Variants in NTM observed in about 807,000 individuals in gnomAD.
The protein encoded by NTM is IgLON family member 2.
In NTM, 13 loss-of-function variants were observed where a neutral mutation model predicts 42.1. The observed-to-expected ratio is 0.31, with a 90% confidence interval of 0.20 to 0.49. The LOEUF (loss-of-function observed/expected upper bound fraction) is 0.49. Among genes scored for constraint, NTM ranks in the 20% least tolerant of loss-of-function variants. The probability of loss-of-function intolerance (pLI) is 0.99; values close to 1 mark genes in which losing one functional copy is unlikely to be tolerated. For synonymous variants in NTM, 187 were observed against 179.2 expected (o/e 1.04, Z -0.35); for missense variants, 373 against 452.8 (o/e 0.82, Z 1.60).
intron 1 of NTM, among the ~76,000 whole-genome samples, chr11:131,617,200 G>A (rs1382430114): frequency 6.6e-6 from 1 of 152,026 alleles, no homozygotes; most frequent in Admixed American, 6.6e-5. Context: ...AGGCCGCTTG[G>A]GAATGTTGCA....
chr11:131,824,943 C>A (rs2041954695), intron 1 of NTM, among the ~76,000 whole-genome samples: 1 of 152,164 alleles, frequency 6.6e-6, no homozygotes, highest in Non-Finnish European at 1.5e-5. Flanking sequence ...ACGGCATGTA[C>A]GTTAGTTTGC....
At chr11:131,741,096 C>T (rs962252540) in intron 1 of NTM, among the ~76,000 whole-genome samples, 2 of 149,832 alleles carry the variant, frequency 1.3e-5, no homozygotes, top group African/African-American at 2.5e-5. Context: ...ACCCGGGAGG[C>T]GGAGGCTGCA....
chr11:131,873,992 A>T (rs1046584080), intron 1 of NTM, among the ~76,000 whole-genome samples: 1 of 124,540 alleles, frequency 8.0e-6, no homozygotes, highest in Non-Finnish European at 1.7e-5. Flanking sequence ...TATTATATAT[A>T]TTATATTTAC....
chr11:131,816,435 C>T (rs137938904), intron 1 of NTM, among the ~76,000 whole-genome samples: 11 of 151,796 alleles, frequency 7.2e-5, no homozygotes, highest in Admixed American at 3.3e-4. Flanking sequence ...ATCTGGGGTA[C>T]GTATCTTCCT....
In NTM at chr11:131,613,917, C is replaced by T. The variant is rs147576887; in HGVS notation, c.82+243029C>T. Among the ~76,000 whole-genome samples, 741 of 152,326 alleles carry T rather than the reference C, an allele frequency of 4.9e-3. 4 individuals carry two copies. The highest frequency in any genetic ancestry group is 6.0e-3 in the Non-Finnish European group (405 of 68,030). On this transcript the variant is annotated intron_variant, in intron 1 of 8. Coordinates refer to ENST00000683400, the MANE Select transcript of NTM (RefSeq NM_001352005.2). The stretch of plus-strand genomic sequence containing the variant: ...GTCTCTGGTTCCTCACTCCTGGCTT[C>T]CTCCTACTCCCGGCTGCCTCCCTTT...
At chr11:131,800,562 A>C (rs182578955) in intron 1 of NTM, among the ~76,000 whole-genome samples, 25 of 152,354 alleles carry the variant, frequency 1.6e-4, no homozygotes, top group African/African-American at 5.8e-4. Flanking sequence ...GCTGCTTTTA[A>C]TCATTGGTTC....
At chr11:132,236,836 G>C (rs1566546604) in intron 4 of NTM, among the ~76,000 whole-genome samples, 1 of 152,180 alleles carries the variant, frequency 6.6e-6, no homozygotes, top group Non-Finnish European at 1.5e-5. Flanking sequence ...AATGGAGTGA[G>C]GTGGAAGGAA....
At chr11:131,398,964 A>T (rs1338424942) in intron 1 of NTM, among the ~76,000 whole-genome samples, 1 of 152,222 alleles carries the variant, frequency 6.6e-6, no homozygotes, top group Non-Finnish European at 1.5e-5. Flanking sequence ...TTACAATAAA[A>T]ACTGCAATAA....
chr11:131,711,529 G>T (rs2077130922), intron 1 of NTM, among the ~76,000 whole-genome samples: 1 of 152,202 alleles, frequency 6.6e-6, no homozygotes, highest in Admixed American at 6.5e-5. Flanking sequence ...TTACACTGTT[G>T]GTGGGATCGT....
At chr11:132,050,699 A>C (rs533902) in intron 2 of NTM, among the ~76,000 whole-genome samples, 47,236 of 152,106 alleles carry the variant, frequency 0.31, 8,310 homozygotes, top group East Asian at 0.8. Context: ...AGGGAAGGGC[A>C]AGATAGAGAA....
intron 2 of NTM, among the ~76,000 whole-genome samples, chr11:132,105,084 G>A (rs1005670747): frequency 1.3e-5 from 2 of 149,752 alleles, no homozygotes; most frequent in Admixed American, 6.7e-5. Flanking sequence ...TTCTTTCACC[G>A]TGAGGAGACC....
intron 1 of NTM, among the ~76,000 whole-genome samples, chr11:131,885,157 C>T (rs1592556047): frequency 6.6e-6 from 1 of 152,210 alleles, no homozygotes; most frequent in African/African-American, 2.4e-5. Context: ...CCACACCTCA[C>T]CCGGGAAGCA....
rs764442171 is a variant in NTM at position 131,629,191 on chromosome 11, T to C, written c.82+258303T>C. ...GACAGAGGTCTTCCCAGGGACTTAA[T>C]AATAGATTCAATTAAGAGTAAGGCC... On this transcript the variant is annotated intron_variant, in intron 1 of 8. Coordinates refer to ENST00000683400, the MANE Select transcript of NTM (RefSeq NM_001352005.2). Among the ~76,000 whole-genome samples, 143 of 152,234 alleles carry C rather than the reference T, an allele frequency of 9.4e-4. 2 individuals are homozygous for C. The highest frequency in any genetic ancestry group is 3.4e-4 in the Non-Finnish European group (23 of 68,044).
Position 132,003,109 on chromosome 11 carries a change from G to A in NTM, c.167+91461G>A, listed in dbSNP as rs370894019. On this transcript the variant is annotated intron_variant, in intron 2 of 8. Coordinates refer to ENST00000683400, the MANE Select transcript of NTM (RefSeq NM_001352005.2). The surrounding 1 kb of genome is among the most constrained non-coding windows in gnomAD (Gnocchi z 6.0). ...GTTGTGTGTGTAATTGACTTTTATAGTCAATTCTGCTTATATTTCCTCCTT... is the reference window on the plus strand; with the variant it reads ...GTTGTGTGTGTAATTGACTTTTATAATCAATTCTGCTTATATTTCCTCCTT... Among the ~76,000 whole-genome samples the A allele has an allele frequency of 3.9e-5, 6 of 152,112 alleles. No individual in the cohort carries two copies. The highest frequency in any genetic ancestry group is 9.7e-5 in the African/African-American group (4 of 41,404).
chr11:132,154,463 C>T (rs1034436515), intron 3 of NTM, among the ~76,000 whole-genome samples: 45 of 152,206 alleles, frequency 3.0e-4, no homozygotes, highest in African/African-American at 1.1e-3. Context: ...TTCAAAATCT[C>T]TCCAATGTAT....
chr11:131,872,508 T>C (rs1162406935), intron 1 of NTM, among the ~76,000 whole-genome samples: 1 of 152,236 alleles, frequency 6.6e-6, no homozygotes, highest in Non-Finnish European at 1.5e-5. Context: ...CCTGCTCACA[T>C]TACCAAACAG....
chr11:132,320,609 G>C (rs982400354), intron 7 of NTM, among the ~76,000 whole-genome samples: 2 of 152,186 alleles, frequency 1.3e-5, no homozygotes, highest in East Asian at 1.9e-4. Flanking sequence ...AGGGGTGCCC[G>C]CCATTGCCCA....
chr11:131,487,235 G>C (rs568849632), intron 1 of NTM, among the ~76,000 whole-genome samples: 5 of 152,144 alleles, frequency 3.3e-5, no homozygotes, highest in Non-Finnish European at 5.9e-5. Flanking sequence ...TTATAGCCTC[G>C]TGTTTTGATT....
At chr11:132,290,621 T>C (rs1264094740) in intron 4 of NTM, among the ~76,000 whole-genome samples, 1 of 152,226 alleles carries the variant, frequency 6.6e-6, no homozygotes, top group East Asian at 1.9e-4. Context: ...CAACTATATA[T>C]TGTGTATAAC....
Sources: gnomAD v4.1 joint callset for allele counts (sites outside exome capture counted in the v4.1 genomes callset) on GRCh38, gnomAD v4.1.1 for gene constraint, Gnocchi (gnomAD v3.1) non-coding constraint, MANE v1.5 for transcripts, NCBI Gene and HGNC (gene_info 2026-07-23, HGNC 2026-07-21) for gene names.